Variants in GABPB1 observed in about 807,000 individuals in gnomAD.
GABPB1 encodes the protein GA binding protein transcription factor subunit beta 1, also known as GA-binding protein subunit beta-1.
GABPB1 carries 15 observed loss-of-function variants against 45.9 expected under a neutral mutation model. The observed-to-expected ratio is 0.33, with a 90% CI of 0.22 to 0.50. The LOEUF (loss-of-function observed/expected upper bound fraction) is 0.50. Among genes scored for constraint, GABPB1 ranks in the 20% least tolerant of loss-of-function variants. The probability of loss-of-function intolerance (pLI) is 0.98; values close to 1 mark genes in which losing one functional copy is unlikely to be tolerated. For missense variants in GABPB1, 252 were observed against 457.5 expected, an observed-to-expected ratio of 0.55 and a Z score of 4.10; for synonymous variants, 143 against 154.4, an observed-to-expected ratio of 0.93 and a Z score of 0.55.
At chr15:50,300,934 C>T (rs963540065) in intron 5 of GABPB1, 32 bp from the exon 6 acceptor site, 3 of 1,300,362 alleles carry the variant, frequency 2.3e-6, no homozygotes, top group Non-Finnish European at 3.3e-6. Context: ...ATTTGAATTT[C>T]TAAGGAGCTT....
rs536376395 is a variant in GABPB1 at position 50,342,833 on chromosome 15, T to C, written c.-1+12152A>G. 2.6e-5 allele frequency among the ~76,000 whole-genome samples: 4 copies of C among 152,260 alleles called. No homozygotes were observed. In the East Asian group the frequency reaches 7.7e-4, roughly 29 times the overall value. On this transcript the variant is annotated intron_variant, in intron 1 of 8. Coordinates refer to ENST00000380877, the MANE Select transcript of GABPB1 (RefSeq NM_016654.5). The stretch of plus-strand genomic sequence containing the variant: ...TATAGTTGTTAGATAGGTTTCAAGG[T>C]TTATATTAACAAGTTGTAGTAGTCA...
In GABPB1 at chr15:50,355,053, A is replaced by T. The variant is rs776189026; in HGVS notation, c.-69T>A. The T allele has an allele frequency of 6.5e-6, 1 of 154,778 alleles. No homozygotes were observed. The highest frequency in any genetic ancestry group is 6.5e-5 in the Admixed American group (1 of 15,284). The allele number at this position is 154,778 out of a possible 1,614,324, so 9.6% of individuals were successfully genotyped here. On this transcript the variant is annotated 5_prime_UTR_variant, in exon 1 of 9. Coordinates refer to ENST00000380877, the MANE Select transcript of GABPB1 (RefSeq NM_016654.5). ...GGTGCGGGGACCCGAGGCGCCTCGT[A>T]CCCGGCCGGGCTGACGCGGCCCCGC...
chr15:50,286,403 A>AT (rs562111384), intron 7 of GABPB1, among the ~76,000 whole-genome samples: 1 of 151,960 alleles, frequency 6.6e-6, no homozygotes, highest in Non-Finnish European at 1.5e-5. Context: ...ACCTACAAAT[A>AT]TTTTTTTAAT....
Position 50,330,270 on chromosome 15 carries a change from T to C in GABPB1, c.1-20472A>G, listed in dbSNP as rs563922525. ...ACATTGTTCTGTACTTTGCTTTTTT[T>C]CCCATTTAATATATATCCTGGAAAA... On this transcript the variant is annotated intron_variant, in intron 1 of 8. Coordinates refer to ENST00000380877, the MANE Select transcript of GABPB1 (RefSeq NM_016654.5). 4.6e-5 allele frequency among the ~76,000 whole-genome samples: 7 copies of C among 152,258 alleles called. No individual in the cohort carries two copies. In the South Asian group the frequency reaches 1.2e-3, roughly 27 times the overall value.
chr15:50,353,100 T>G lies in GABPB1; in HGVS notation c.-1+1885A>C, dbSNP rs555644994. On this transcript the variant is annotated intron_variant, in intron 1 of 8. Coordinates refer to ENST00000380877, the MANE Select transcript of GABPB1 (RefSeq NM_016654.5). ...CAAGTGTTGATAGCATATGTGGAATTCACGTGTTACTTGTGTAAATCATTA... is the reference window on the plus strand; with the variant it reads ...CAAGTGTTGATAGCATATGTGGAATGCACGTGTTACTTGTGTAAATCATTA... 5.3e-5 allele frequency: 8 copies of G among 152,374 alleles called. No individual in the cohort carries two copies. In the South Asian group the frequency reaches 1.4e-3, roughly 28 times the overall value. 9.4% of individuals were successfully genotyped at this position (152,374 alleles called of 1,614,324 possible).
chr15:50,295,072 C>T (rs2141002969), intron 6 of GABPB1, among the ~76,000 whole-genome samples: 1 of 152,294 alleles, frequency 6.6e-6, no homozygotes, highest in African/African-American at 2.4e-5. Flanking sequence ...CAGATAACTA[C>T]ACTACAGATG....
intron 1 of GABPB1, among the ~76,000 whole-genome samples, chr15:50,329,291 T>C (rs778891937): frequency 6.6e-6 from 1 of 152,238 alleles, no homozygotes; most frequent in African/African-American, 2.4e-5. Flanking sequence ...TTTATATGGA[T>C]TGAATTAAGA....
At chr15:50,288,401 G>A (rs1407154456) in intron 7 of GABPB1, among the ~76,000 whole-genome samples, 1 of 152,058 alleles carries the variant, frequency 6.6e-6, no homozygotes, top group Non-Finnish European at 1.5e-5. Flanking sequence ...TTCTTTTAGG[G>A]GGAGACAAGG....
At chr15:50,307,036 A>G (rs185714877) in intron 2 of GABPB1, among the ~76,000 whole-genome samples, 49 of 152,174 alleles carry the variant, frequency 3.2e-4, no homozygotes, top group African/African-American at 1.1e-3. Flanking sequence ...GTAGTCTTGT[A>G]TATGTTTCAG....
intron 1 of GABPB1, among the ~76,000 whole-genome samples, chr15:50,324,759 C>A (rs1280910104): frequency 2.0e-5 from 3 of 152,018 alleles, no homozygotes; most frequent in African/African-American, 7.2e-5. Flanking sequence ...GTTGGCTAGA[C>A]TGGTCTCAAA....
At chr15:50,343,271 C>T (rs1410236232) in intron 1 of GABPB1, among the ~76,000 whole-genome samples, 1 of 152,004 alleles carries the variant, frequency 6.6e-6, no homozygotes, top group Non-Finnish European at 1.5e-5. Flanking sequence ...TCCCCATCAT[C>T]TCTTCTCAGC....
intron 1 of GABPB1, among the ~76,000 whole-genome samples, chr15:50,314,215 G>A (rs1303102190): frequency 2.0e-5 from 3 of 150,218 alleles, no homozygotes; most frequent in South Asian, 2.1e-4. Context: ...ACGGAGTCTC[G>A]CTCTGTTGCC....
chr15:50,334,505 C>CTTTTTTT (rs60433481), intron 1 of GABPB1, among the ~76,000 whole-genome samples: 11 of 109,406 alleles, frequency 1.0e-4, no homozygotes, highest in African/African-American at 1.9e-4. Flanking sequence ...TCTTTTTTTC[C>CTTTTTTT]TTTTTTTTTT....
In GABPB1 at chr15:50,289,540, T is replaced by G. The variant is rs1407172033; in HGVS notation, c.826A>C (p.Ile276Leu). 4 of 1,613,768 alleles carry G rather than the reference T, an allele frequency of 2.5e-6. No homozygotes were observed. The highest frequency in any genetic ancestry group is 3.4e-6 in the Non-Finnish European group (4 of 1,179,940). The stretch of plus-strand genomic sequence containing the variant: ...GGCTGACCAATTCCACTGGTTGGAA[T>G]AGAGTGCAAATTTCCAAGCTGAATT... The part of the protein sequence containing the change: ...DGIQLGNLHS[I>L]PTSGIGQPII... The change falls in exon 7 of 9, where the codon ATT becomes CTT. Residue 276 changes from isoleucine to leucine, a missense_variant. This residue lies in a region of GABPB1 where 193 missense variants were observed against 259.9 expected (regional missense o/e 0.74). Coordinates refer to ENST00000380877, the MANE Select transcript of GABPB1 (RefSeq NM_016654.5).
chr15:50,337,619 A>C (rs951222137), intron 1 of GABPB1, among the ~76,000 whole-genome samples: 1 of 152,086 alleles, frequency 6.6e-6, no homozygotes, highest in East Asian at 1.9e-4. Context: ...ACAAAAAATT[A>C]GCCAGGTGTG....
At chr15:50,354,402 A>C (rs949243484) in intron 1 of GABPB1, 1 of 451,506 alleles carries the variant, frequency 2.2e-6, no homozygotes, top group Admixed American at 2.4e-5. Context: ...GGTCCGGCCG[A>C]TCCCGCCGCG....
At chr15:50,348,575 A>C (rs1317679617) in intron 1 of GABPB1, among the ~76,000 whole-genome samples, 1 of 149,786 alleles carries the variant, frequency 6.7e-6, no homozygotes, top group Admixed American at 6.6e-5. Context: ...AAACTTTGAA[A>C]CTTTTTGGCT....
At chr15:50,302,643 C>CAAAAAAA (rs60408137) in intron 4 of GABPB1, among the ~76,000 whole-genome samples, 6 of 62,188 alleles carry the variant, frequency 9.6e-5, no homozygotes, top group African/African-American at 3.6e-4. Context: ...GACTCTGGCT[C>CAAAAAAA]AAAAAAAAAA....
intron 1 of GABPB1, among the ~76,000 whole-genome samples, chr15:50,345,465 A>G (rs2141171547): frequency 6.6e-6 from 1 of 152,258 alleles, no homozygotes; most frequent in African/African-American, 2.4e-5. Context: ...TACTCGGGAA[A>G]CTGAGGTAGG....
Sources: gnomAD v4.1 joint callset for allele counts (sites outside exome capture counted in the v4.1 genomes callset) on GRCh38, gnomAD v4.1.1 for gene constraint, gnomAD v4.1.1 regional missense constraint, MANE v1.5 for transcripts, NCBI Gene and HGNC (gene_info 2026-07-23, HGNC 2026-07-21) for gene names.